The following USP3 variants were observed in gnomAD, a reference collection of about 807,000 sequenced individuals.
USP3 encodes the protein ubiquitin carboxyl-terminal hydrolase 3.
A neutral mutation model predicts 72.3 loss-of-function variants in USP3; 20 were observed. The observed-to-expected ratio is 0.28, with a 90% CI of 0.19 to 0.40. The LOEUF is 0.40. Ranked by LOEUF, USP3 falls within the 10% of genes least tolerant of loss-of-function variation. The probability of loss-of-function intolerance (pLI) is 1.00; values close to 1 mark genes in which losing one functional copy is unlikely to be tolerated. For missense variants in USP3, 479 were observed against 633.9 expected (o/e 0.76, Z 2.62); for synonymous variants, 222 against 225.3 (o/e 0.99, Z 0.13).
intron 1 of USP3, among the ~76,000 whole-genome samples, chr15:63,506,976 C>G (rs1281389538): frequency 1.3e-5 from 2 of 152,180 alleles, no homozygotes; most frequent in Non-Finnish European, 2.9e-5. Flanking sequence ...TAAGCTTGAT[C>G]TTGTTCTTGC....
rs1025245026 is a variant in USP3 at position 63,591,029 on chromosome 15, G to C, written c.*203G>C. On this transcript the variant is annotated 3_prime_UTR_variant, in exon 15 of 15. Transcript: ENST00000380324. Reference sequence around the variant, plus strand: ...ACCAGAAAACCTCAGCAGATGTTTTGATTTGCTGCTTTAGTTGTAATAATT... The same window carrying C: ...ACCAGAAAACCTCAGCAGATGTTTTCATTTGCTGCTTTAGTTGTAATAATT... The C allele has an allele frequency of 5.7e-6, 3 of 529,456 alleles. No individual in the cohort carries two copies. The highest frequency in any genetic ancestry group is 9.2e-6 in the Non-Finnish European group (3 of 327,128). The allele number at this position is 529,456 out of a possible 1,614,324, so 32.8% of individuals were successfully genotyped here. A position where few individuals can be genotyped will look rare whatever the true frequency, so the allele number is the denominator to read the frequency against.
chr15:63,538,712 A>AC (rs1555445128), intron 3 of USP3, among the ~76,000 whole-genome samples: 29 of 151,788 alleles, frequency 1.9e-4, no homozygotes, highest in African/African-American at 6.8e-4. Flanking sequence ...CTCCCGGCTA[A>AC]TTTTTTTGTA....
rs1203024183 is a variant in USP3 at position 63,592,103 on chromosome 15, G to C, written c.*1277G>C. 1 of 151,930 alleles carries C rather than the reference G, an allele frequency of 6.6e-6. No individual in the cohort carries two copies. The highest frequency in any genetic ancestry group is 1.5e-5 in the Non-Finnish European group (1 of 68,002). The allele number at this position is 151,930 out of a possible 1,614,324, so 9.4% of individuals were successfully genotyped here. A position where few individuals can be genotyped will look rare whatever the true frequency, so the allele number is the denominator to read the frequency against. On this transcript the variant is annotated 3_prime_UTR_variant, in exon 15 of 15. Coordinates refer to ENST00000380324, the MANE Select transcript of USP3 (RefSeq NM_006537.4). ...ATTTTTTTTTTGTATTTTTAGTAAA[G>C]ACGGGGGTTTACCATGTTGGCTAGG...
intron 3 of USP3, among the ~76,000 whole-genome samples, chr15:63,543,290 G>A (rs2066272524): frequency 1.3e-5 from 2 of 151,560 alleles, no homozygotes; most frequent in Admixed American, 1.3e-4. Context: ...AACATATTGT[G>A]AACAACATTA....
chr15:63,577,186 T>C (rs957332075), intron 11 of USP3, among the ~76,000 whole-genome samples: 1 of 152,254 alleles, frequency 6.6e-6, no homozygotes, highest in Non-Finnish European at 1.5e-5. Flanking sequence ...TGTAGTTTGA[T>C]CTCACTTATA....
At position 63,574,772 on chromosome 15, in the gene USP3, G is replaced by A. The variant is rs951449142; in HGVS notation, c.1096+369G>A. On this transcript the variant is annotated intron_variant, in intron 11 of 14. Coordinates refer to ENST00000380324, the MANE Select transcript of USP3 (RefSeq NM_006537.4). The surrounding 1 kb of genome is among the most constrained non-coding windows in gnomAD (Gnocchi z 4.6). Reference sequence around the variant, plus strand: ...AGAGTTTTATAAATTATAGTATTACGTATTCTGTTGCCTAATAGTTTGAGA... The same window carrying A: ...AGAGTTTTATAAATTATAGTATTACATATTCTGTTGCCTAATAGTTTGAGA... 6.6e-6 allele frequency among the ~76,000 whole-genome samples: 1 copy of A among 152,180 alleles called. No individual in the cohort carries two copies. The highest frequency in any genetic ancestry group is 1.9e-4 in the East Asian group (1 of 5,204).
At chr15:63,505,727 T>A (rs2065704101) in intron 1 of USP3, among the ~76,000 whole-genome samples, 1 of 152,218 alleles carries the variant, frequency 6.6e-6, no homozygotes. Flanking sequence ...ACGGCTTTGC[T>A]TACTTCCTGG....
intron 2 of USP3, among the ~76,000 whole-genome samples, chr15:63,534,916 G>A (rs8039500): frequency 0.39 from 30,341 of 78,014 alleles, 4,213 homozygotes; most frequent in African/African-American, 0.58. Context: ...CCTTTTATTT[G>A]TTTATTTATT....
At chr15:63,546,900 G>A (rs935746370) in intron 3 of USP3, among the ~76,000 whole-genome samples, 4 of 152,184 alleles carry the variant, frequency 2.6e-5, no homozygotes, top group East Asian at 1.9e-4. Context: ...GAGCCACCGC[G>A]TCCAGCCAAT....
chr15:63,549,347 T>A (rs980195763), intron 3 of USP3, among the ~76,000 whole-genome samples: 6 of 152,242 alleles, frequency 3.9e-5, no homozygotes, highest in African/African-American at 1.4e-4. Flanking sequence ...TGTATCTGTA[T>A]TGAGAAAAAT....
intron 2 of USP3, among the ~76,000 whole-genome samples, chr15:63,534,908 TTTTA>T (rs200099474): frequency 8.9e-6 from 1 of 112,516 alleles, no homozygotes; most frequent in East Asian, 1.9e-4. Flanking sequence ...AGAGTTTGCC[TTTTA>T]TTTGTTTATT....
At position 63,593,139 on chromosome 15, in the gene USP3, GTCCTAAAAGAT is replaced by G. The variant is rs1226693614; in HGVS notation, c.*2314_*2324del. On this transcript the variant is annotated 3_prime_UTR_variant, in exon 15 of 15. Coordinates refer to ENST00000380324, the MANE Select transcript of USP3 (RefSeq NM_006537.4). ...TCATGTTTAGGTCTTACAACTTTGA[GTCCTAAAAGAT>G]AATAGGGAGATGTGTGCTTAAATTA... 6.6e-6 allele frequency: 1 copy of G among 152,188 alleles called. No homozygotes were observed. Among genetic ancestry groups the G allele is most frequent in the African/African-American group, 2.4e-5 (1 of 41,436 alleles). 9.4% of individuals were successfully genotyped at this position (152,188 alleles called of 1,614,324 possible). A position where few individuals can be genotyped will look rare whatever the true frequency, so the allele number is the denominator to read the frequency against.
intron 11 of USP3, among the ~76,000 whole-genome samples, chr15:63,582,638 G>T (rs1028150503): frequency 2.0e-5 from 3 of 152,060 alleles, no homozygotes; most frequent in African/African-American, 7.2e-5. Flanking sequence ...AAATCAGCAG[G>T]GAGACCACTA....
chr15:63,511,556 A>T (rs2065782553), intron 1 of USP3, among the ~76,000 whole-genome samples: 2 of 152,286 alleles, frequency 1.3e-5, no homozygotes, highest in South Asian at 4.1e-4. Flanking sequence ...TTATACTCAG[A>T]TCTAATATTT....
chr15:63,532,561 A>G lies in USP3; in HGVS notation c.92-86A>G, dbSNP rs552029821. On this transcript the variant is annotated intron_variant, in intron 1 of 14. Coordinates refer to ENST00000380324, the MANE Select transcript of USP3 (RefSeq NM_006537.4). Reference sequence around the variant, plus strand: ...TTCAGCATTCCTACATAGCCATGGAATTTATAACTTAATCACAGGAAAATG... The same window carrying G: ...TTCAGCATTCCTACATAGCCATGGAGTTTATAACTTAATCACAGGAAAATG... 4.0e-6 allele frequency: 6 copies of G among 1,508,228 alleles called. No homozygotes were observed. In the East Asian group the frequency reaches 6.8e-5, roughly 17 times the overall value. 93.4% of individuals were successfully genotyped at this position (1,508,228 alleles called of 1,614,324 possible). A position where few individuals can be genotyped will look rare whatever the true frequency, so the allele number is the denominator to read the frequency against.
At chr15:63,560,398 A>T (rs1210973853) in intron 7 of USP3, among the ~76,000 whole-genome samples, 3 of 148,578 alleles carry the variant, frequency 2.0e-5, no homozygotes, top group African/African-American at 7.4e-5. Context: ...CCTAGGTGAC[A>T]GGGCGAGACT....
At chr15:63,507,639 T>G (rs994816689) in intron 1 of USP3, among the ~76,000 whole-genome samples, 2 of 152,192 alleles carry the variant, frequency 1.3e-5, no homozygotes, top group African/African-American at 4.8e-5. Context: ...TCAACAAGAT[T>G]ACAAGAAGTA....
chr15:63,536,939 TTTGA>T (rs1595724361), intron 2 of USP3, 82 bp from the exon 3 acceptor site: 10 of 1,364,072 alleles, frequency 7.3e-6, no homozygotes, highest in Non-Finnish European at 9.9e-6. Flanking sequence ...TTTATTTTGA[TTTGA>T]TTAATATTTA....
intron 1 of USP3, chr15:63,527,762 T>C (rs2066006568): frequency 6.6e-6 from 1 of 152,232 alleles, no homozygotes; most frequent in Non-Finnish European, 1.5e-5. Context: ...CGGTCTCTCT[T>C]GATAAAGGGC....
Sources: allele counts gnomAD v4.1 joint callset (sites outside exome capture counted in the v4.1 genomes callset), GRCh38; gene constraint gnomAD v4.1.1; non-coding constraint Gnocchi (gnomAD v3.1); transcripts MANE v1.5; gene names NCBI Gene and HGNC (gene_info 2026-07-23, HGNC 2026-07-21).